Variants in ACIN1 observed in about 807,000 individuals in gnomAD.
ACIN1 encodes the protein apoptotic chromatin condensation inducer in the nucleus.
ACIN1 carries 16 observed loss-of-function variants against 146.6 expected under a neutral mutation model. The observed-to-expected ratio is 0.11, with a 90% CI of 0.07 to 0.17. The LOEUF (loss-of-function observed/expected upper bound fraction) is 0.17, where lower values mean the gene tolerates loss of function less well. ACIN1 is among the 10% of genes least tolerant of loss of function. The pLI is 1.00. For missense variants in ACIN1, 1,357 were observed against 1,609.3 expected (o/e 0.84, Z 2.68); for synonymous variants, 569 against 582.7 (o/e 0.98, Z 0.34).
chr14:23,094,461 T>C (rs1206462518), intron 1 of ACIN1: 31 of 985,090 alleles, frequency 3.1e-5, no homozygotes, highest in Non-Finnish European at 3.7e-5. Context: ...TCTCATCAAG[T>C]CCCTTCAAAT....
chr14:23,067,504 CGGGAGGG>C lies in ACIN1; in HGVS notation c.2266-1503_2266-1497del. The C allele has an allele frequency of 6.2e-6, 1 of 161,556 alleles. No individual in the cohort carries two copies. The highest frequency in any genetic ancestry group is 8.7e-6 in the Non-Finnish European group (1 of 115,332). 10.0% of individuals were successfully genotyped at this position (161,556 alleles called of 1,614,324 possible). ...AGTCCTCCCAGGGGCGCAGGGGGGG[CGGGAGGG>C]AAACGTGTGGGGGGACGCTGCCCAG... On this transcript the variant is annotated intron_variant, in intron 9 of 18. Coordinates refer to ENST00000605057, the MANE Select transcript of ACIN1 (RefSeq NM_001386863.1). The surrounding 1 kb of genome is among the most constrained non-coding windows in gnomAD (Gnocchi z 4.6).
chr14:23,079,826 A>G lies in ACIN1; in HGVS notation c.1509T>C (p.Ser503=). 5 of 1,614,136 alleles carry G rather than the reference A, an allele frequency of 3.1e-6. No homozygotes were observed. Among genetic ancestry groups the G allele is most frequent in the East Asian group, 2.2e-5 (1 of 44,892 alleles). Residue 503 remains serine, a synonymous_variant, in exon 6 of 19, where the codon TCT becomes TCC. Transcript: ENST00000605057. ...SLEQKEGRRA[S]HTLLPSHRLK... ...ATCTGTGGCTTGGGAGAAGGGTATG[A>G]GAAGCTCTTCTGCCTTCCTTCTGTT...
intron 9 of ACIN1, 139 bp from the exon 10 acceptor site, chr14:23,066,147 C>CA (rs1555371039): frequency 1.6e-6 from 1 of 621,910 alleles, no homozygotes; most frequent in East Asian, 2.8e-5. Flanking sequence ...GAGAGAGACA[C>CA]AGAGACAGAC....
chr14:23,062,990 G>A lies in ACIN1; in HGVS notation c.2822C>T (p.Thr941Ile), dbSNP rs2047335783. The change falls in exon 14 of 19, where the codon ACT becomes ATT. Residue 941 changes from threonine (T) to isoleucine (I), a missense_variant. By Grantham distance (89) the Thr-to-Ile change is moderately conservative. Coordinates refer to ENST00000605057, the MANE Select transcript of ACIN1 (RefSeq NM_001386863.1). ...CCGGGGTGGGGAGGGCACCTGGGCA[G>A]TTCGGACTGGGTCATCAATGGTAAT... ...VSITIDDPVR[T>I]AQVPSPPRGK... 3.1e-6 allele frequency: 5 copies of A among 1,613,866 alleles called. No individual in the cohort carries two copies. The highest frequency in any genetic ancestry group is 3.4e-6 in the Non-Finnish European group (4 of 1,179,968).
intron 8 of ACIN1, among the ~76,000 whole-genome samples, chr14:23,073,957 G>A (rs1254825334): frequency 1.3e-5 from 2 of 150,114 alleles, no homozygotes; most frequent in Non-Finnish European, 3.0e-5. Flanking sequence ...TCCTGCCTCA[G>A]CCTCCCGAGC....
intron 4 of ACIN1, among the ~76,000 whole-genome samples, chr14:23,083,983 G>A (rs899323349): frequency 1.3e-5 from 2 of 150,540 alleles, no homozygotes; most frequent in Non-Finnish European, 3.0e-5. Flanking sequence ...AGTCTTGCTC[G>A]TTGCCCAGGC....
At chr14:23,063,326 G>A (rs78674032) in intron 13 of ACIN1, 110 bp downstream of exon 13, 127,043 of 1,403,412 alleles carry the variant, frequency 0.091, 6,332 homozygotes, top group South Asian at 0.15. Flanking sequence ...TATGATATAC[G>A]AAAAAATATA....
chr14:23,090,119 G>C lies in ACIN1; in HGVS notation c.317-18C>G. 6.2e-7 allele frequency: 1 copy of C among 1,610,774 alleles called. No individual in the cohort carries two copies. ...TGAAGCTTCTGCAAAGTACAGATCG[G>C]GTCGGGGCAGGGAGGGAGTGAAGGA... On this transcript the variant is annotated intron_variant, in intron 3 of 18. Coordinates refer to ENST00000605057, the MANE Select transcript of ACIN1 (RefSeq NM_001386863.1).
chr14:23,059,098 AACCCC>A lies in ACIN1; in HGVS notation c.*45_*49del, dbSNP rs2047183583. The stretch of plus-strand genomic sequence containing the variant: ...ACTGTGCCTATCCCTCTGTGGCCAT[AACCCC>A]CTGGGGCCGAGTGGCTGGTACCTGC... On this transcript the variant is annotated 3_prime_UTR_variant, in exon 19 of 19. Transcript: ENST00000605057. 6.3e-7 allele frequency: 1 copy of A among 1,576,312 alleles called. No individual in the cohort carries two copies. Among genetic ancestry groups the A allele is most frequent in the Non-Finnish European group, 8.7e-7 (1 of 1,154,748 alleles).
intron 4 of ACIN1, 115 bp from the exon 5 acceptor site, chr14:23,081,951 A>G (rs1362329542): frequency 8.1e-6 from 6 of 741,050 alleles, no homozygotes; most frequent in Middle Eastern, 5.7e-4. Context: ...CTATCAAGAC[A>G]TATCTGTATC....
Position 23,068,367 on chromosome 14 carries a change from G to C in ACIN1, c.2265+1109C>G. 1.0e-6 allele frequency: 1 copy of C among 985,940 alleles called. No homozygotes were observed. The highest frequency in any genetic ancestry group is 1.2e-6 in the Non-Finnish European group (1 of 829,994). 61.1% of individuals were successfully genotyped at this position (985,940 alleles called of 1,614,324 possible). Reference sequence around the variant, plus strand: ...CAGCACTGGCACAAGCTCTTCTTGGGGTGTCCCAAGTAGGGAGATGATGCA... The same window carrying C: ...CAGCACTGGCACAAGCTCTTCTTGGCGTGTCCCAAGTAGGGAGATGATGCA... On this transcript the variant is annotated intron_variant, in intron 9 of 18. Coordinates refer to ENST00000605057, the MANE Select transcript of ACIN1 (RefSeq NM_001386863.1). The surrounding 1 kb of genome is among the most constrained non-coding windows in gnomAD (Gnocchi z 4.3).
chr14:23,084,796 G>A (rs527774743), intron 4 of ACIN1, among the ~76,000 whole-genome samples: 1 of 152,216 alleles, frequency 6.6e-6, no homozygotes, highest in Admixed American at 6.5e-5. Flanking sequence ...TATATGATTA[G>A]AATATATAGT....
intron 8 of ACIN1, among the ~76,000 whole-genome samples, chr14:23,075,255 G>T (rs1474813462): frequency 6.6e-6 from 1 of 151,408 alleles, no homozygotes; most frequent in Non-Finnish European, 1.5e-5. Flanking sequence ...AGAAATCCAG[G>T]TCTGAATTAA....
chr14:23,089,485 A>G (rs1349726471), intron 4 of ACIN1, among the ~76,000 whole-genome samples: 1 of 152,208 alleles, frequency 6.6e-6, no homozygotes, highest in Non-Finnish European at 1.5e-5. Flanking sequence ...CAGTAGCCAA[A>G]ACAACTGTAA....
At position 23,059,397 on chromosome 14, in the gene ACIN1, C is replaced by CTCT. The variant is rs763316498; in HGVS notation, c.3600_3602dup (p.Glu1201dup). On this transcript the variant is annotated inframe_insertion, in exon 19 of 19. Transcript: ENST00000605057. ...CGGCTTCCTTCTCCCGCTCCTTTTG[C>CTCT]TCTTCTTCTTCTTGCTCCTTTCGCC... 6.2e-7 allele frequency: 1 copy of CTCT among 1,613,788 alleles called. No individual in the cohort carries two copies. Among genetic ancestry groups the CTCT allele is most frequent in the African/African-American group, 1.3e-5 (1 of 74,972 alleles).
At chr14:23,083,399 G>C (rs1389437837) in intron 4 of ACIN1, among the ~76,000 whole-genome samples, 1 of 152,016 alleles carries the variant, frequency 6.6e-6, no homozygotes, top group Non-Finnish European at 1.5e-5. Context: ...AAAAAGGAGG[G>C]GCTGCACTAG....
chr14:23,082,336 T>C (rs917311842), intron 4 of ACIN1, among the ~76,000 whole-genome samples: 2 of 152,112 alleles, frequency 1.3e-5, no homozygotes, highest in East Asian at 1.9e-4. Flanking sequence ...CTTAGAGGAA[T>C]GTTTTTCAGC....
chr14:23,094,733 A>G (rs914783987), intron 1 of ACIN1: 16 of 690,114 alleles, frequency 2.3e-5, no homozygotes, highest in Non-Finnish European at 2.1e-5. Flanking sequence ...AGCTTAAGAC[A>G]CTCCTGGAGA....
At chr14:23,095,280 T>A (rs1566763629), upstream of ACIN1, 4 of 1,596,700 alleles carry the variant, frequency 2.5e-6, no homozygotes, top group Non-Finnish European at 3.4e-6. Flanking sequence ...TGTTTCCGTC[T>A]CCACATCGTT....
Sources: gnomAD v4.1 joint callset for allele counts (sites outside exome capture counted in the v4.1 genomes callset) on GRCh38, gnomAD v4.1.1 for gene constraint, Gnocchi (gnomAD v3.1) non-coding constraint, MANE v1.5 for transcripts, NCBI Gene and HGNC (gene_info 2026-07-23, HGNC 2026-07-21) for gene names.